The following PIK3CA variants were observed in gnomAD, a reference collection of about 807,000 sequenced individuals.
PIK3CA encodes the protein phosphatidylinositol-4,5-bisphosphate 3-kinase catalytic subunit alpha, also known as phosphatidylinositol 4,5-bisphosphate 3-kinase catalytic subunit alpha isoform.
Under a neutral mutation model 138.2 loss-of-function variants are expected in PIK3CA, and 27 were observed. The ratio of observed to expected loss-of-function variants is 0.20; its 90% CI spans 0.14 to 0.27. The LOEUF (loss-of-function observed/expected upper bound fraction) is 0.27. PIK3CA is among the 10% of genes least tolerant of loss of function. The pLI is 1.00. For synonymous variants in PIK3CA, 358 were observed against 413.2 expected (o/e 0.87, Z 1.62); for missense variants, 544 against 1,277.4 (o/e 0.43, Z 8.75).
intron 1 of PIK3CA, among the ~76,000 whole-genome samples, chr3:179,194,177 T>C (rs61796468): frequency 6.6e-6 from 1 of 152,240 alleles, no homozygotes; most frequent in African/African-American, 2.4e-5. Context: ...AAAATCATTT[T>C]AAAAGCATCA....
At position 179,220,085 on chromosome 3, in the gene PIK3CA, A is replaced by C. The variant is rs770620292; in HGVS notation, c.2015+33A>C. ...TAATTATTTTCCCATTAAATTCTTA[A>C]GGTACATATTACTTGCTTTCTTAAT... On this transcript the variant is annotated intron_variant, in intron 13 of 20. Transcript: ENST00000263967. This position sits in a 1 kb window ranked among gnomAD's most constrained non-coding sequence, Gnocchi z 4.1. The C allele has an allele frequency of 5.6e-6, 8 of 1,426,062 alleles. No homozygotes were observed. The highest frequency in any genetic ancestry group is 7.7e-6 in the Non-Finnish European group (8 of 1,036,694). The allele number at this position is 1,426,062 out of a possible 1,614,324, so 88.3% of individuals were successfully genotyped here.
rs929163802 is a variant in PIK3CA at position 179,238,955 on chromosome 3, A to G, written c.*4591A>G. 3 of 217,454 alleles carry G rather than the reference A, an allele frequency of 1.4e-5. No individual in the cohort carries two copies. The highest frequency in any genetic ancestry group is 6.8e-5 in the African/African-American group (3 of 44,304). 13.5% of individuals were successfully genotyped at this position (217,454 alleles called of 1,614,324 possible). ...ACTTAAGGTTTTGCACCTCCTTTTTATTAGTGCAGTGCCATTTCTTCTGCT... is the reference window on the plus strand; with the variant it reads ...ACTTAAGGTTTTGCACCTCCTTTTTGTTAGTGCAGTGCCATTTCTTCTGCT... On this transcript the variant is annotated 3_prime_UTR_variant, in exon 21 of 21. Coordinates refer to ENST00000263967, the MANE Select transcript of PIK3CA (RefSeq NM_006218.4).
chr3:179,233,695 T>C (rs1725264129), intron 20 of PIK3CA, among the ~76,000 whole-genome samples: 1 of 152,190 alleles, frequency 6.6e-6, no homozygotes, highest in South Asian at 2.1e-4. Context: ...TACCACCTTA[T>C]GGTATCTCAT....
At chr3:179,227,005 G>A (rs1416948070) in intron 17 of PIK3CA, among the ~76,000 whole-genome samples, 30 of 152,052 alleles carry the variant, frequency 2.0e-4, no homozygotes, top group Non-Finnish European at 8.8e-5. Flanking sequence ...GGAATAGACT[G>A]TAAAAAAGAT....
At chr3:179,217,125 A>G (rs1451475574) in intron 9 of PIK3CA, among the ~76,000 whole-genome samples, 1 of 152,000 alleles carries the variant, frequency 6.6e-6, no homozygotes, top group Non-Finnish European at 1.5e-5. Context: ...ACACCAAACT[A>G]GTTATTTCCG....
chr3:179,199,137 A>G lies in PIK3CA; in HGVS notation c.312A>G (p.Pro104=), dbSNP rs1242038507. Reference sequence around the variant, plus strand: ...AACCCTTTTTAAAAGTAATTGAACCAGTAGGCAACCGTGAAGAAAAGATCC... The same window carrying G: ...AACCCTTTTTAAAAGTAATTGAACCGGTAGGCAACCGTGAAGAAAAGATCC... ...LFQPFLKVIE[P]VGNREEKILN... Residue 104 remains proline (P), a synonymous_variant, in exon 2 of 21, where the codon CCA becomes CCG. Coordinates refer to ENST00000263967, the MANE Select transcript of PIK3CA (RefSeq NM_006218.4). 19 of 1,597,872 alleles carry G rather than the reference A, an allele frequency of 1.2e-5. No homozygotes were observed. The highest frequency in any genetic ancestry group is 2.7e-5 in the African/African-American group (2 of 73,664).
chr3:179,175,529 G>T (rs1267461210), intron 1 of PIK3CA, among the ~76,000 whole-genome samples: 1 of 151,930 alleles, frequency 6.6e-6, no homozygotes, highest in African/African-American at 2.4e-5. Context: ...AAGTATCCTT[G>T]CCTTTTTTGG....
At chr3:179,149,838 T>A (rs1368446148) in intron 1 of PIK3CA, 3 of 152,240 alleles carry the variant, frequency 2.0e-5, no homozygotes, top group Non-Finnish European at 2.9e-5. Context: ...TTTGCTTACA[T>A]TGCACCGTAC....
intron 1 of PIK3CA, among the ~76,000 whole-genome samples, chr3:179,175,242 C>A (rs1723667225): frequency 6.6e-6 from 1 of 152,182 alleles, no homozygotes; most frequent in Non-Finnish European, 1.5e-5. Flanking sequence ...TGTTATTCTA[C>A]TCCTACAATT....
At chr3:179,174,350 AATCCCAGCTCTCG>A (rs1330823716) in intron 1 of PIK3CA, among the ~76,000 whole-genome samples, 35 of 88,830 alleles carry the variant, frequency 3.9e-4, no homozygotes, top group Middle Eastern at 0.014. Context: ...AAGCACCTGT[AATCCCAGCTCTCG>A]GGAGGCTAAG....
chr3:179,212,127 C>T (rs1415606450), intron 9 of PIK3CA, among the ~76,000 whole-genome samples: 1 of 151,896 alleles, frequency 6.6e-6, no homozygotes, highest in Non-Finnish European at 1.5e-5. Context: ...CCTGCCTCAG[C>T]CTCCTGAGTA....
chr3:179,161,372 T>A (rs140976249), intron 1 of PIK3CA, among the ~76,000 whole-genome samples: 5 of 152,254 alleles, frequency 3.3e-5, no homozygotes, highest in African/African-American at 1.2e-4. Context: ...TCCATAGACA[T>A]ACAACAGAAC....
chr3:179,210,676 C>T, intron 9 of PIK3CA, 111 bp downstream of exon 9: 3 of 985,516 alleles, frequency 3.0e-6, no homozygotes, highest in Non-Finnish European at 4.5e-6. Flanking sequence ...ATACTATGAA[C>T]TCTAGGACCA....
At chr3:179,228,097 A>C (rs1725124430) in intron 17 of PIK3CA, among the ~76,000 whole-genome samples, 1 of 152,102 alleles carries the variant, frequency 6.6e-6, no homozygotes, top group Non-Finnish European at 1.5e-5. Flanking sequence ...GAAGAAAACA[A>C]CTGTGACAGT....
chr3:179,202,640 A>G (rs1250176309), intron 4 of PIK3CA, among the ~76,000 whole-genome samples: 2 of 152,248 alleles, frequency 1.3e-5, no homozygotes, highest in African/African-American at 2.4e-5. Context: ...ATGTGTATAT[A>G]GTAACATTTA....
Position 179,239,379 on chromosome 3 carries a change from ATAAT to A in PIK3CA, c.*5018_*5021del, listed in dbSNP as rs1725395310. On this transcript the variant is annotated 3_prime_UTR_variant, in exon 21 of 21. Coordinates refer to ENST00000263967, the MANE Select transcript of PIK3CA (RefSeq NM_006218.4). The stretch of plus-strand genomic sequence containing the variant: ...AACCTTCATTGTTTCATATTAAAAT[ATAAT>A]TAGACTAAACTTAATTCTAGTATGA... 5.1e-6 allele frequency: 1 copy of A among 196,770 alleles called. No individual in the cohort carries two copies. Among genetic ancestry groups the A allele is most frequent in the Non-Finnish European group, 1.1e-5 (1 of 94,810 alleles). 12.2% of individuals were successfully genotyped at this position (196,770 alleles called of 1,614,324 possible).
Position 179,230,321 on chromosome 3 carries a change from T to C in PIK3CA, c.2881T>C (p.Leu961=), listed in dbSNP as rs2108425172. 1 of 1,611,752 alleles carries C rather than the reference T, an allele frequency of 6.2e-7. No homozygotes were observed. The highest frequency in any genetic ancestry group is 1.1e-5 in the South Asian group (1 of 90,654). Residue 961 remains leucine, a synonymous_variant, in exon 20 of 21, where the codon TTA becomes CTA. Transcript: ENST00000263967. The surrounding 1 kb of genome is among the most constrained non-coding windows in gnomAD (Gnocchi z 5.4). ...RVPFVLTQDF[L]IVISKGAQEC... is the part of the protein sequence containing the mutation. ...GCCATTTGTTTTGACACAGGATTTC[T>C]TAATAGTGATTAGTAAAGGAGCCCA... is the stretch of plus-strand genomic sequence containing the variant.
chr3:179,205,871 G>C (rs1219744698), intron 6 of PIK3CA, among the ~76,000 whole-genome samples: 2 of 152,098 alleles, frequency 1.3e-5, no homozygotes, highest in East Asian at 3.9e-4. Context: ...ATCTCATAAT[G>C]AATTTAGACT....
rs922042912 is a variant in PIK3CA at position 179,235,970 on chromosome 3, C to T, written c.*1606C>T. 2.9e-5 allele frequency: 6 copies of T among 209,492 alleles called. No homozygotes were observed. Among genetic ancestry groups the T allele is most frequent in the African/African-American group, 1.4e-4 (6 of 44,036 alleles). The allele number at this position is 209,492 out of a possible 1,614,324, so 13.0% of individuals were successfully genotyped here. Reference sequence around the variant, plus strand: ...TAGGAAATTAGCTTTAGCAGATGTCCAGGTGCCACATCAAAAAAGTGCAAT... The same window carrying T: ...TAGGAAATTAGCTTTAGCAGATGTCTAGGTGCCACATCAAAAAAGTGCAAT... On this transcript the variant is annotated 3_prime_UTR_variant, in exon 21 of 21. Transcript: ENST00000263967.
Sources: gnomAD v4.1 joint callset for allele counts (sites outside exome capture counted in the v4.1 genomes callset) on GRCh38, gnomAD v4.1.1 for gene constraint, Gnocchi (gnomAD v3.1) non-coding constraint, MANE v1.5 for transcripts, NCBI Gene and HGNC (gene_info 2026-07-23, HGNC 2026-07-21) for gene names.